CASK: variants seen among roughly 807,000 people sequenced by gnomAD.
CASK encodes calcium/calmodulin dependent serine protein kinase, also known as peripheral plasma membrane protein CASK.
Under a neutral mutation model 82.9 loss-of-function variants are expected in CASK, and 4 were observed. That is an observed-to-expected ratio of 0.05 (90% CI 0.02 to 0.11). The LOEUF (loss-of-function observed/expected upper bound fraction) is 0.11. CASK is among the 10% of genes least tolerant of loss of function. The pLI, the probability that CASK is intolerant of heterozygous loss-of-function variation, is 1.00. For missense variants in CASK, 358 were observed against 720.9 expected (o/e 0.50, Z 5.76); for synonymous variants, 259 against 253.5 (o/e 1.02, Z -0.20).
chrX:41,889,655 C>T (rs766991175), intron 1 of CASK, among the ~76,000 whole-genome samples: 1 of 112,018 alleles, frequency 8.9e-6, no homozygotes, highest in East Asian at 2.8e-4. Context: ...AAACTTAAAA[C>T]CAGCATAAAC....
chrX:41,636,036 A>G (rs1176225277), intron 9 of CASK, among the ~76,000 whole-genome samples: 5 of 106,723 alleles, frequency 4.7e-5, no homozygotes, highest in Non-Finnish European at 9.6e-5. Flanking sequence ...AGCTGGGATT[A>G]TAGGCGCCTG....
chrX:41,671,402 A>AT lies in CASK; in HGVS notation c.532+25dup, dbSNP rs199561120. On this transcript the variant is annotated intron_variant, in intron 6 of 26. Coordinates refer to ENST00000378163, the MANE Select transcript of CASK (RefSeq NM_001367721.1). ...GTCGCAAGTGACCAGGTTTTGAAGAATTTTTTTTTTTTAAAGCAGTCTTAC... is the reference window on the plus strand; with the variant it reads ...GTCGCAAGTGACCAGGTTTTGAAGAATTTTTTTTTTTTTAAAGCAGTCTTAC... 106,471 of 740,662 alleles carry AT rather than the reference A, an allele frequency of 0.14. 2,255 individuals carry two copies. The highest frequency in any genetic ancestry group is 0.16 in the Middle Eastern group (514 of 3,169). The allele number at this position is 740,662 out of a possible 1,213,427, so 61.0% of individuals were successfully genotyped here.
chrX:41,654,998 T>G (rs1468494723), intron 8 of CASK, among the ~76,000 whole-genome samples: 2 of 109,788 alleles, frequency 1.8e-5, no homozygotes, highest in Non-Finnish European at 3.8e-5. Context: ...TTTTTTTTTT[T>G]TTTTAAACAA....
At chrX:41,559,874 GAA>G in intron 17 of CASK, 27 bp from the exon 18 acceptor site, 1 of 1,165,606 alleles carries the variant, frequency 8.6e-7, no homozygotes, top group Non-Finnish European at 1.2e-6. Context: ...GGGAAAGAAA[GAA>G]AAGTTTTCTT....
At chrX:41,754,228 A>C (rs1216717678) in intron 3 of CASK, among the ~76,000 whole-genome samples, 1 of 110,255 alleles carries the variant, frequency 9.1e-6, no homozygotes, top group Non-Finnish European at 1.9e-5. Flanking sequence ...TGAGACCCCC[A>C]TCTCTTCAAA....
intron 1 of CASK, among the ~76,000 whole-genome samples, chrX:41,884,444 G>T (rs2072012004): frequency 9.0e-6 from 1 of 111,455 alleles, no homozygotes; most frequent in Non-Finnish European, 1.9e-5. Context: ...TAAGGAAGGG[G>T]TAAGCATGTT....
Position 41,739,404 on chromosome X carries a change from T to C in CASK, c.409A>G (p.Ile137Val). ...CTTACCTTCACATCCCTGTGAATTA[T>C]GTTATTATCATGGCAGTAGCGTAGA... is the stretch of plus-strand genomic sequence containing the variant. ...EALRYCHDNN[I>V]IHRDVKPHCV... The change falls in exon 5 of 27, where the codon ATA becomes GTA. Residue 137 changes from isoleucine (I) to valine (V), a missense_variant. Coordinates refer to ENST00000378163, the MANE Select transcript of CASK (RefSeq NM_001367721.1). The C allele has an allele frequency of 8.5e-7, 1 of 1,182,362 alleles. No individual in the cohort carries two copies. Among genetic ancestry groups the C allele is most frequent in the South Asian group, 1.8e-5 (1 of 56,170 alleles).
chrX:41,665,144 G>C, intron 7 of CASK, 133 bp downstream of exon 7: 1 of 551,664 alleles, frequency 1.8e-6, no homozygotes, highest in Non-Finnish European at 3.0e-6. Context: ...AATGATGTAA[G>C]CAAAGACCTT....
chrX:41,531,225 G>A lies in CASK; in HGVS notation c.2318-16C>T, dbSNP rs1310131376. 3 of 1,169,871 alleles carry A rather than the reference G, an allele frequency of 2.6e-6. No homozygotes were observed. Among genetic ancestry groups the A allele is most frequent in the Non-Finnish European group, 3.5e-6 (3 of 858,399 alleles). ...CTGGTTGTATCTGCAAAGTCGCATG[G>A]CACAAGAGGTTTAAAAGGCTGAGCT... On this transcript the variant is annotated splice_polypyrimidine_tract_variant and intron_variant, in intron 24 of 26. Transcript: ENST00000378163.
chrX:41,783,184 T>C (rs2069515965), intron 3 of CASK, among the ~76,000 whole-genome samples: 1 of 111,984 alleles, frequency 8.9e-6, no homozygotes, highest in African/African-American at 3.2e-5. Flanking sequence ...AACTTGTTCT[T>C]AGTTTTCTCA....
intron 2 of CASK, among the ~76,000 whole-genome samples, chrX:41,826,124 A>C (rs982766933): frequency 1.8e-5 from 2 of 111,916 alleles, no homozygotes; most frequent in Non-Finnish European, 1.9e-5. Flanking sequence ...TAAGGCAACA[A>C]AGTTTAAGTT....
intron 3 of CASK, among the ~76,000 whole-genome samples, chrX:41,776,382 T>C (rs2069365715): frequency 8.9e-6 from 1 of 112,749 alleles, no homozygotes; most frequent in African/African-American, 3.2e-5. Flanking sequence ...AGACATTTGA[T>C]AAAATTCATG....
intron 2 of CASK, among the ~76,000 whole-genome samples, chrX:41,841,898 C>A (rs769379911): frequency 2.0e-4 from 22 of 111,686 alleles, no homozygotes; most frequent in Non-Finnish European, 3.8e-4. Flanking sequence ...CTATTTTTTT[C>A]TTTGGTTGCT....
chrX:41,559,890 A>G (rs764852147), intron 17 of CASK, 43 bp from the exon 18 acceptor site: 33 of 1,114,407 alleles, frequency 3.0e-5, no homozygotes, highest in Non-Finnish European at 3.7e-5. Context: ...TTTTCTTACA[A>G]ACAATTGTTC....
intron 3 of CASK, among the ~76,000 whole-genome samples, chrX:41,783,212 C>T (rs2069516364): frequency 8.9e-6 from 1 of 112,023 alleles, no homozygotes; most frequent in African/African-American, 3.2e-5. Context: ...AACATACAGA[C>T]AGAAATATAT....
intron 5 of CASK, among the ~76,000 whole-genome samples, chrX:41,682,609 A>C (rs888467324): frequency 9.5e-5 from 10 of 105,347 alleles, no homozygotes; most frequent in African/African-American, 1.4e-4. Flanking sequence ...CAGTTTGATA[A>C]ATTTTTTTTT....
At chrX:41,836,216 CA>C (rs759095894) in intron 2 of CASK, among the ~76,000 whole-genome samples, 3 of 108,931 alleles carry the variant, frequency 2.8e-5, no homozygotes, top group African/African-American at 3.3e-5. Context: ...TGAAGAAAAA[CA>C]AAAAAAAATC....
At chrX:41,624,264 G>A (rs1423639712) in intron 10 of CASK, 2 of 352,473 alleles carry the variant, frequency 5.7e-6, no homozygotes, top group Non-Finnish European at 5.5e-6. Flanking sequence ...AAAGACAGAC[G>A]TGAAACAATA....
rs188562580 is a variant in CASK at position 41,581,694 on chromosome X, G to A, written c.1315-3166C>T. 8.6e-4 allele frequency among the ~76,000 whole-genome samples: 93 copies of A among 108,629 alleles called. 1 individual carries two copies. Among genetic ancestry groups the A allele is most frequent in the African/African-American group, 3.0e-3 (89 of 30,038 alleles). 94.3% of individuals were successfully genotyped at this position (108,629 alleles called of 115,157 possible). A position where few individuals can be genotyped will look rare whatever the true frequency, so the allele number is the denominator to read the frequency against. On this transcript the variant is annotated intron_variant, in intron 14 of 26. Transcript: ENST00000378163. The stretch of plus-strand genomic sequence containing the variant: ...ATTTTGAAGCCATGATTTTAAAAAC[G>A]CTTATAAGATAGAAAGCCCCAGCAT...
Sources: allele counts gnomAD v4.1 joint callset (sites outside exome capture counted in the v4.1 genomes callset), GRCh38; gene constraint gnomAD v4.1.1; transcripts MANE v1.5; gene names NCBI Gene and HGNC (gene_info 2026-07-23, HGNC 2026-07-21).